Variants in KCTD2 observed in about 807,000 individuals in gnomAD.
The protein encoded by KCTD2 is BTB/POZ domain-containing protein KCTD2.
KCTD2 carries 18 observed loss-of-function variants against 27.9 expected under a neutral mutation model. That is an observed-to-expected ratio of 0.64 (90% CI 0.45 to 0.96). KCTD2 has a LOEUF of 0.96. Among genes scored for constraint, KCTD2 ranks in the 40% least tolerant of loss-of-function variants. The pLI is 0.00. For missense variants in KCTD2, 280 were observed against 348.0 expected (o/e 0.80, Z 1.56); for synonymous variants, 175 against 148.4 (o/e 1.18, Z -1.30).
At chr17:75,040,332 A>G (rs1462756903) in intron 3 of KCTD2, 1 of 698,312 alleles carries the variant, frequency 1.4e-6, no homozygotes, top group African/African-American at 1.8e-5. Flanking sequence ...GCATCTCAAT[A>G]CTGGAGTAGA....
At chr17:75,036,257 G>C (rs1223884897) in intron 3 of KCTD2, among the ~76,000 whole-genome samples, 1 of 151,972 alleles carries the variant, frequency 6.6e-6, no homozygotes, top group Non-Finnish European at 1.5e-5. Flanking sequence ...AAACAAGCTG[G>C]GGCTACAGGC....
At chr17:75,053,857 G>GTTTTTTTTTT (rs1567992373) in intron 3 of KCTD2, among the ~76,000 whole-genome samples, 2 of 79,532 alleles carry the variant, frequency 2.5e-5, no homozygotes, top group African/African-American at 1.6e-4. Context: ...TGTGAACCAT[G>GTTTTTTTTTT]CTTTTTTTTT....
At chr17:75,053,173 A>T in intron 3 of KCTD2, 68 bp downstream of exon 3, 3 of 1,229,278 alleles carry the variant, frequency 2.4e-6, no homozygotes, top group Non-Finnish European at 3.6e-6. Context: ...CTGTGATTTG[A>T]AAAGGATGCC....
intron 2 of KCTD2, among the ~76,000 whole-genome samples, chr17:75,050,152 G>A (rs1022606116): frequency 6.6e-6 from 1 of 152,154 alleles, no homozygotes; most frequent in African/African-American, 2.4e-5. Context: ...AGTACATACA[G>A]TGAATTCCTT....
chr17:75,055,828 C>A (rs375187567), intron 3 of KCTD2, among the ~76,000 whole-genome samples: 2 of 144,964 alleles, frequency 1.4e-5, no homozygotes, highest in Non-Finnish European at 3.0e-5. Context: ...GCGAAACTCC[C>A]ATCTAAAAAA....
intron 3 of KCTD2, among the ~76,000 whole-genome samples, chr17:75,056,550 G>A (rs1173482682): frequency 6.6e-6 from 1 of 152,150 alleles, no homozygotes; most frequent in African/African-American, 2.4e-5. Flanking sequence ...GATTCTGAAG[G>A]CTTGTGGATT....
In KCTD2 at chr17:75,047,230, C is replaced by T. The variant is rs1268258474; in HGVS notation, c.-21C>T. The T allele has an allele frequency of 1.6e-6, 1 of 636,762 alleles. No individual in the cohort carries two copies. The highest frequency in any genetic ancestry group is 4.4e-5 in the South Asian group (1 of 22,480). 39.4% of individuals were successfully genotyped at this position (636,762 alleles called of 1,614,324 possible). Reference sequence around the variant, plus strand: ...CGGCCCGGCTGCGCGCGGGCAGCAGCGGTGGCGGCGGCGGTCCAAGATGGC... The same window carrying T: ...CGGCCCGGCTGCGCGCGGGCAGCAGTGGTGGCGGCGGCGGTCCAAGATGGC... On this transcript the variant is annotated 5_prime_UTR_variant, in exon 1 of 6. Transcript: ENST00000322444.
intron 2 of KCTD2, 47 bp from the exon 3 acceptor site, chr17:75,052,967 T>G: frequency 7.1e-7 from 1 of 1,407,882 alleles, no homozygotes; most frequent in South Asian, 1.2e-5. Context: ...GGTGTTTTTC[T>G]GGCAAACCCT....
Position 75,053,858 on chromosome 17 carries a change from C to CTTTTTTT in KCTD2, c.540+773_540+779dup, listed in dbSNP as rs71159419. On this transcript the variant is annotated intron_variant, in intron 3 of 5. Transcript: ENST00000322444. ...CTTCAGCAGCTGCTTGTGAACCATG[C>CTTTTTTT]TTTTTTTTTTTTTTTTTTTTTTTTT... is the stretch of plus-strand genomic sequence containing the variant. 8.9e-3 allele frequency among the ~76,000 whole-genome samples: 526 copies of CTTTTTTT among 59,310 alleles called. 131 individuals carry two copies. The highest frequency in any genetic ancestry group is 0.082 in the East Asian group (87 of 1,064). 38.9% of individuals were successfully genotyped at this position (59,310 alleles called of 152,430 possible).
At chr17:75,060,529 T>C in intron 4 of KCTD2, 1 of 1,612,800 alleles carries the variant, frequency 6.2e-7, no homozygotes, top group Non-Finnish European at 8.5e-7. Flanking sequence ...CCAGCTGCTC[T>C]TGATGCCCTT....
intron 3 of KCTD2, among the ~76,000 whole-genome samples, chr17:75,056,016 G>C (rs1301631125): frequency 1.3e-5 from 2 of 151,988 alleles, no homozygotes; most frequent in Non-Finnish European, 2.9e-5. Context: ...GGGCAACAGA[G>C]TGAGACTCCA....
intron 2 of KCTD2, among the ~76,000 whole-genome samples, chr17:75,049,979 G>A (rs2073267744): frequency 6.6e-6 from 1 of 152,244 alleles, no homozygotes; most frequent in South Asian, 2.1e-4. Flanking sequence ...TGATCTGGGA[G>A]CTTTGGCTCT....
chr17:75,038,299 C>G lies in KCTD2; in HGVS notation c.-259+2942C>G, dbSNP rs902670470. Among the ~76,000 whole-genome samples, 3 of 151,986 alleles carry G rather than the reference C, an allele frequency of 2.0e-5. No individual in the cohort carries two copies. The East Asian group carries it at 5.9e-4, about 30-fold the overall frequency. On this transcript the variant is annotated intron_variant, in intron 3 of 7. Coordinates refer to the KCTD2 transcript ENST00000581589. Reference sequence around the variant, plus strand: ...ACAGGCGCCCCCCGCCCCACCACCACGCCTGGCTAATTTCTGCATTTTTAG... The same window carrying G: ...ACAGGCGCCCCCCGCCCCACCACCAGGCCTGGCTAATTTCTGCATTTTTAG...
chr17:75,042,505 G>A (rs1478347046), upstream of KCTD2: 1 of 1,600,370 alleles, frequency 6.2e-7, no homozygotes, highest in East Asian at 2.2e-5. Context: ...CAAGTATGGG[G>A]TTCCCTCTCA....
Position 75,047,272 on chromosome 17 carries a change from C to G in KCTD2, c.22C>G (p.Pro8Ala). ...CAAGATGGCGGAACTGCAGCTGGAC[C>G]CGGCGATGGCGGGGCTGGGAGGGGG... MAELQLD[P>A]AMAGLGGGGG... The change falls in exon 1 of 6, where the codon CCG becomes GCG. Residue 8 changes from proline to alanine, a missense_variant. Physicochemically the swap from Pro to Ala is conservative, Grantham distance 27. Transcript: ENST00000322444. The G allele has an allele frequency of 9.5e-7, 1 of 1,053,768 alleles. No homozygotes were observed. The highest frequency in any genetic ancestry group is 1.2e-6 in the Non-Finnish European group (1 of 843,754). The allele number at this position is 1,053,768 out of a possible 1,614,324, so 65.3% of individuals were successfully genotyped here.
chr17:75,059,495 G>A lies in KCTD2; in HGVS notation c.541-15G>A, dbSNP rs762129274. 7 of 1,603,992 alleles carry A rather than the reference G, an allele frequency of 4.4e-6. 1 individual carries two copies. The highest frequency in any genetic ancestry group is 1.7e-4 in the Middle Eastern group (1 of 6,026). On this transcript the variant is annotated splice_polypyrimidine_tract_variant and intron_variant, in intron 3 of 5. Transcript: ENST00000322444. ...GTCCTTGGTGCTGTTCTCAGTCTGC[G>A]CCTGGTCATTGCAGGGCCCCGTGAA...
chr17:75,064,594 C>T lies in KCTD2; in HGVS notation c.*1547C>T, dbSNP rs1301722099. The T allele has an allele frequency of 1.4e-5, 2 of 147,302 alleles. No individual in the cohort carries two copies. The highest frequency in any genetic ancestry group is 2.4e-5 in the African/African-American group (1 of 41,096). 9.1% of individuals were successfully genotyped at this position (147,302 alleles called of 1,614,324 possible). A position where few individuals can be genotyped will look rare whatever the true frequency, so the allele number is the denominator to read the frequency against. ...AACTTTTCCCTAGGACCCTCAGTCT[C>T]CTTGTTTCTCTGTATCTGTAGCATA... On this transcript the variant is annotated 3_prime_UTR_variant, in exon 6 of 6. Transcript: ENST00000322444.
In KCTD2 at chr17:75,053,046, G is replaced by A. The variant is rs202181641; in HGVS notation, c.481G>A (p.Ala161Thr). ...VLEEAEFYNI[A>T]SLVRLVKERI... ...GGAGGAAGCGGAGTTTTACAACATC[G>A]CGTCCCTTGTGCGGCTGGTTAAGGA... The change falls in exon 3 of 6, where the codon GCG becomes ACG. Residue 161 changes from alanine to threonine, a missense_variant. Physicochemically the swap from Ala to Thr is moderately conservative, Grantham distance 58 (BLOSUM62 0). Coordinates refer to ENST00000322444, the MANE Select transcript of KCTD2 (RefSeq NM_015353.3). The A allele has an allele frequency of 8.7e-6, 14 of 1,614,076 alleles. No individual in the cohort carries two copies. Among genetic ancestry groups the A allele is most frequent in the South Asian group, 3.3e-5 (3 of 91,076 alleles).
chr17:75,036,605 G>C (rs947387319), intron 3 of KCTD2, among the ~76,000 whole-genome samples: 6 of 152,224 alleles, frequency 3.9e-5, no homozygotes, highest in Non-Finnish European at 7.3e-5. Context: ...TAATGCTGGG[G>C]TTGCCCCCTT....
Sources: allele counts gnomAD v4.1 joint callset (sites outside exome capture counted in the v4.1 genomes callset), GRCh38; gene constraint gnomAD v4.1.1; transcripts MANE v1.5; gene names NCBI Gene and HGNC (gene_info 2026-07-23, HGNC 2026-07-21).